Variants in CLDN16 observed in about 807,000 individuals in gnomAD.
The protein encoded by CLDN16 is claudin-16.
In CLDN16, 13 loss-of-function variants were observed where a neutral mutation model predicts 24.6. The observed-to-expected ratio is 0.53, with a 90% CI of 0.34 to 0.84. The LOEUF (loss-of-function observed/expected upper bound fraction) is 0.84. Among genes scored for constraint, CLDN16 ranks in the 40% least tolerant of loss-of-function variants. The pLI, the probability that CLDN16 is intolerant of heterozygous loss-of-function variation, is 0.01. For missense variants in CLDN16, 298 were observed against 292.7 expected, an observed-to-expected ratio of 1.02 and a Z score of -0.13; for synonymous variants, 116 against 106.7, an observed-to-expected ratio of 1.09 and a Z score of -0.54.
At chr3:190,388,830 G>C (rs1458813348) in intron 1 of CLDN16, among the ~76,000 whole-genome samples, 1 of 152,080 alleles carries the variant, frequency 6.6e-6, no homozygotes, top group Non-Finnish European at 1.5e-5. Flanking sequence ...CTTGATGACA[G>C]CATTAAGAAT....
intron 1 of CLDN16, among the ~76,000 whole-genome samples, chr3:190,341,562 G>A (rs1186205957): frequency 6.6e-6 from 1 of 152,138 alleles, no homozygotes; most frequent in Non-Finnish European, 1.5e-5. Flanking sequence ...TTCCTCCTAG[G>A]CCTCCAGGTC....
chr3:190,323,455 C>G (rs1198641205), intron 1 of CLDN16, among the ~76,000 whole-genome samples: 1 of 152,126 alleles, frequency 6.6e-6, no homozygotes, highest in Non-Finnish European at 1.5e-5. Context: ...ACTGTAGTTT[C>G]CCTCTATGTT....
chr3:190,382,395 A>G (rs1373784092), intron 3 of CLDN16, among the ~76,000 whole-genome samples: 1 of 152,148 alleles, frequency 6.6e-6, no homozygotes, highest in Admixed American at 6.6e-5. Flanking sequence ...GGTTTGGCTT[A>G]AGTAAAACTT....
upstream of CLDN16, among the ~76,000 whole-genome samples, chr3:190,383,613 C>T (rs779479125): frequency 6.6e-6 from 1 of 152,110 alleles, no homozygotes; most frequent in Non-Finnish European, 1.5e-5. Flanking sequence ...CTGAAAATGA[C>T]ATAAATGTCA....
At chr3:190,311,245 T>A in the CLDN16 span, among the ~76,000 whole-genome samples, 2 of 152,228 alleles carry the variant, frequency 1.3e-5, no homozygotes, top group African/African-American at 2.4e-5. Context: ...GAAGGAAGAA[T>A]GCAATGCATT....
chr3:190,357,585 A>C (rs1717802437), intron 1 of CLDN16, among the ~76,000 whole-genome samples: 1 of 151,950 alleles, frequency 6.6e-6, no homozygotes, highest in South Asian at 2.1e-4. Context: ...CCAGTTCCTC[A>C]GTATGATACT....
intron 1 of CLDN16, among the ~76,000 whole-genome samples, chr3:190,326,033 G>A (rs941520573): frequency 9.2e-5 from 14 of 152,150 alleles, no homozygotes; most frequent in African/African-American, 2.9e-4. Flanking sequence ...AGGGGTAGTG[G>A]TTAAAAGCAC....
At chr3:190,348,407 A>AC (rs950851574) in intron 1 of CLDN16, among the ~76,000 whole-genome samples, 1 of 151,598 alleles carries the variant, frequency 6.6e-6, no homozygotes, top group Non-Finnish European at 1.5e-5. Flanking sequence ...AAAGATATAC[A>AC]CACCCACACT....
At chr3:190,325,764 A>T (rs1577395484) in intron 1 of CLDN16, among the ~76,000 whole-genome samples, 1 of 152,296 alleles carries the variant, frequency 6.6e-6, no homozygotes. Context: ...TTTTTTGCTT[A>T]GTGTTAATAT....
At chr3:190,374,269 T>TTGTGTGTGTGTGTGTGTGTG (rs3220823) in intron 2 of CLDN16, among the ~76,000 whole-genome samples, 28 of 139,398 alleles carry the variant, frequency 2.0e-4, no homozygotes, top group African/African-American at 5.7e-4. Flanking sequence ...CTGAAAAACA[T>TTGTGTGTGTGTGTGTGTGTG]TGTGTGTGTG....
chr3:190,362,010 A>AGTCTAACCTGGTCTAACCTG (rs144847568), intron 1 of CLDN16, among the ~76,000 whole-genome samples: 1,698 of 149,938 alleles, frequency 0.011, 41 homozygotes, highest in African/African-American at 0.039. Flanking sequence ...TGGTCTAACC[A>AGTCTAACCTGGTCTAACCTG]GTCTAACCTG....
At chr3:190,386,693 A>G (rs1048040806), upstream of CLDN16, among the ~76,000 whole-genome samples, 2 of 152,184 alleles carry the variant, frequency 1.3e-5, no homozygotes, top group Non-Finnish European at 2.9e-5. Flanking sequence ...TGAAGCCTCA[A>G]AAGGGAAATT....
chr3:190,383,455 A>G (rs1034523362), upstream of CLDN16, among the ~76,000 whole-genome samples: 2 of 152,136 alleles, frequency 1.3e-5, no homozygotes, highest in Admixed American at 6.6e-5. Context: ...CACATTGCCT[A>G]CATGATGGAA....
intron 1 of CLDN16, among the ~76,000 whole-genome samples, chr3:190,327,306 T>C (rs1342135553): frequency 6.6e-6 from 1 of 152,192 alleles, no homozygotes; most frequent in African/African-American, 2.4e-5. Flanking sequence ...TTATTCACAG[T>C]CTACTGATTT....
intron 1 of CLDN16, among the ~76,000 whole-genome samples, chr3:190,360,515 T>C (rs34232986): frequency 0.04 from 6,018 of 151,996 alleles, 153 homozygotes; most frequent in South Asian, 0.072. Context: ...AGAGTTGAAA[T>C]AGGGAGGATG....
At chr3:190,335,931 C>G (rs796380294) in intron 1 of CLDN16, among the ~76,000 whole-genome samples, 4 of 152,100 alleles carry the variant, frequency 2.6e-5, no homozygotes, top group African/African-American at 9.6e-5. Flanking sequence ...TGACCCCAAA[C>G]CTAGTGGTAA....
chr3:190,333,428 C>A (rs966971806), intron 1 of CLDN16, among the ~76,000 whole-genome samples: 1 of 152,042 alleles, frequency 6.6e-6, no homozygotes, highest in South Asian at 2.1e-4. Flanking sequence ...TAAGTGTATG[C>A]ACTATTACTC....
intron 1 of CLDN16, among the ~76,000 whole-genome samples, chr3:190,331,394 A>G (rs1323987388): frequency 2.6e-5 from 4 of 152,236 alleles, no homozygotes; most frequent in Admixed American, 2.6e-4. Flanking sequence ...TTATTTGGTA[A>G]AAATTGTCTT....
At chr3:190,309,641 A>C in the CLDN16 span, among the ~76,000 whole-genome samples, 1 of 152,226 alleles carries the variant, frequency 6.6e-6, no homozygotes, top group Non-Finnish European at 1.5e-5. Flanking sequence ...TTGTAAAGCC[A>C]ATTTTACAGT....
Sources: allele counts gnomAD v4.1 joint callset (sites outside exome capture counted in the v4.1 genomes callset), GRCh38; gene constraint gnomAD v4.1.1; transcripts MANE v1.5; gene names NCBI Gene and HGNC (gene_info 2026-07-23, HGNC 2026-07-21).